TEX36: variants seen among roughly 807,000 people sequenced by gnomAD.
TEX36 encodes the protein testis-expressed protein 36.
In TEX36, 12 loss-of-function variants were observed where a neutral mutation model predicts 13.6. The ratio of observed to expected loss-of-function variants is 0.88; its 90% CI spans 0.56 to 1.43. TEX36 has a LOEUF of 1.43. Ranked by LOEUF, TEX36 falls within the 40% of genes most tolerant of loss-of-function variation. TEX36 has a pLI of 0.00. For synonymous variants in TEX36, 93 were observed against 83.0 expected (o/e 1.12, Z -0.65); for missense variants, 224 against 228.3 (o/e 0.98, Z 0.12).
intron 3 of TEX36, among the ~76,000 whole-genome samples, chr10:125,642,476 C>T (rs537068764): frequency 6.6e-6 from 1 of 151,006 alleles, no homozygotes; most frequent in South Asian, 2.1e-4. Flanking sequence ...AACTACGATG[C>T]TTACTAATTT....
rs542250768 is a variant in TEX36, at chr10:125,584,616, G to C, written c.265-7742C>G. ...TAAGGTTAAATGACATCATAAGTGTGGGGCCCTAATCCAATGGAATAGTGT... is the reference window on the plus strand; with the variant it reads ...TAAGGTTAAATGACATCATAAGTGTCGGGCCCTAATCCAATGGAATAGTGT... On this transcript the variant is annotated intron_variant, in intron 3 of 3. Coordinates refer to the TEX36 transcript ENST00000532135. Among the ~76,000 whole-genome samples the C allele has an allele frequency of 3.9e-5, 6 of 152,308 alleles. No homozygotes were observed. The South Asian group carries it at 1.2e-3, about 32-fold the overall frequency.
intron 3 of TEX36, among the ~76,000 whole-genome samples, chr10:125,624,954 G>A (rs1846468975): frequency 6.6e-6 from 1 of 152,162 alleles, no homozygotes. Flanking sequence ...AACTGCAGAG[G>A]AGGCCAGGGT....
At chr10:125,622,928 C>T (rs1051233402) in intron 3 of TEX36, among the ~76,000 whole-genome samples, 1 of 152,122 alleles carries the variant, frequency 6.6e-6, no homozygotes. Context: ...TGACAGCATT[C>T]CTCCCTCTGG....
intron 1 of TEX36, among the ~76,000 whole-genome samples, chr10:125,668,445 G>A (rs1265217992): frequency 6.6e-6 from 1 of 151,842 alleles, no homozygotes; most frequent in East Asian, 1.9e-4. Flanking sequence ...TTCCCAGTTT[G>A]TCAGCATATA....
intron 1 of TEX36, among the ~76,000 whole-genome samples, chr10:125,668,883 G>A (rs1847170782): frequency 6.6e-6 from 1 of 152,154 alleles, no homozygotes; most frequent in African/African-American, 2.4e-5. Context: ...GCTTGGCCGG[G>A]CACGGTGGCT....
intron 3 of TEX36, among the ~76,000 whole-genome samples, chr10:125,585,346 G>A (rs11598551): frequency 0.31 from 46,809 of 152,024 alleles, 8,851 homozygotes; most frequent in East Asian, 0.45. Flanking sequence ...GAGTGTCTTG[G>A]GCTTAGAAGA....
chr10:125,657,436 C>T lies in TEX36; in HGVS notation c.265-1240G>A, dbSNP rs568186440. ...GGACTGGAGGGACAAGTGTATGACG[C>T]GGGGCACAATGTCCAAGTCGGCTTC... On this transcript the variant is annotated intron_variant, in intron 3 of 3. Transcript: ENST00000368821. Among the ~76,000 whole-genome samples, 107 of 152,114 alleles carry T rather than the reference C, an allele frequency of 7.0e-4. 1 individual carries two copies. The highest frequency in any genetic ancestry group is 3.3e-4 in the Admixed American group (5 of 15,266).
intron 3 of TEX36, among the ~76,000 whole-genome samples, chr10:125,634,252 A>G (rs1846596471): frequency 6.6e-6 from 1 of 152,202 alleles, no homozygotes; most frequent in Non-Finnish European, 1.5e-5. Context: ...TTCCTTCAGC[A>G]GAGCCAGCAG....
chr10:125,665,240 T>C (rs1025048227), intron 1 of TEX36, among the ~76,000 whole-genome samples: 3 of 152,188 alleles, frequency 2.0e-5, no homozygotes, highest in Non-Finnish European at 4.4e-5. Context: ...CAGAAGCTTT[T>C]TGATTTAATA....
At chr10:125,673,916 G>A (rs898747319) in intron 1 of TEX36, among the ~76,000 whole-genome samples, 1 of 151,920 alleles carries the variant, frequency 6.6e-6, no homozygotes, top group Admixed American at 6.6e-5. Flanking sequence ...TGATCTTCTT[G>A]TGGAATATCT....
chr10:125,601,990 C>T (rs1846154034), intron 3 of TEX36, among the ~76,000 whole-genome samples: 1 of 152,214 alleles, frequency 6.6e-6, no homozygotes. Context: ...GGACCATCCC[C>T]ATACCCCCAG....
At position 125,624,752 on chromosome 10, in the gene TEX36, G is replaced by A. The variant is rs189738163; in HGVS notation, c.265-3107C>T. ...GAATTTTAAAGGAGTGTTGTCCAGC[G>A]CACTTGGGGAAATGGCACAGAGGGT... is the stretch of plus-strand genomic sequence containing the variant. On this transcript the variant is annotated intron_variant, in intron 3 of 3. Coordinates refer to the TEX36 transcript ENST00000526819. Among the ~76,000 whole-genome samples, 20 of 152,108 alleles carry A rather than the reference G, an allele frequency of 1.3e-4. No homozygotes were observed. The East Asian group carries it at 1.9e-3, about 15-fold the overall frequency.
downstream of TEX36, among the ~76,000 whole-genome samples, chr10:125,651,975 G>T (rs1489746981): frequency 6.6e-6 from 1 of 152,158 alleles, no homozygotes; most frequent in Non-Finnish European, 1.5e-5. Context: ...ACAAACCACT[G>T]CTCAGTGAAA....
chr10:125,665,462 G>A (rs1321536096), intron 1 of TEX36, among the ~76,000 whole-genome samples: 2 of 152,080 alleles, frequency 1.3e-5, no homozygotes, highest in Non-Finnish European at 2.9e-5. Flanking sequence ...TCTTCTGCAT[G>A]TGGCTATCCA....
At chr10:125,648,841 CG>C (rs1346981841) in intron 3 of TEX36, among the ~76,000 whole-genome samples, 1 of 152,030 alleles carries the variant, frequency 6.6e-6, no homozygotes, top group Non-Finnish European at 1.5e-5. Context: ...AACCATGGCA[CG>C]GGAACTACAT....
chr10:125,631,544 C>T (rs1846554582), intron 3 of TEX36, among the ~76,000 whole-genome samples: 1 of 152,168 alleles, frequency 6.6e-6, no homozygotes, highest in Admixed American at 6.5e-5. Context: ...GCAACTCATT[C>T]TCCTTGGGTT....
At chr10:125,679,196 C>T (rs1213350258) in intron 1 of TEX36, among the ~76,000 whole-genome samples, 2 of 149,002 alleles carry the variant, frequency 1.3e-5, no homozygotes, top group Non-Finnish European at 3.0e-5. Flanking sequence ...GTGCCTCGCT[C>T]ACACCCCAGT....
intron 3 of TEX36, among the ~76,000 whole-genome samples, chr10:125,589,213 C>T (rs541109031): frequency 6.6e-6 from 1 of 152,344 alleles, no homozygotes; most frequent in South Asian, 2.1e-4. Context: ...TTGTTAAAAA[C>T]AGCAAACTCA....
chr10:125,661,106 A>G lies in TEX36; in HGVS notation c.184-5T>C. On this transcript the variant is annotated splice_polypyrimidine_tract_variant and splice_region_variant and intron_variant, in intron 2 of 3. Transcript: ENST00000368821. The stretch of plus-strand genomic sequence containing the variant: ...GAACTGGTTATTCACTGCTTGCTGG[A>G]AAAGTGGGATGGAAGGGAAAGAGCA... 2 of 1,551,296 alleles carry G rather than the reference A, an allele frequency of 1.3e-6. No individual in the cohort carries two copies. Among genetic ancestry groups the G allele is most frequent in the Non-Finnish European group, 1.7e-6 (2 of 1,146,462 alleles).
Sources: gnomAD v4.1 joint callset for allele counts (sites outside exome capture counted in the v4.1 genomes callset) on GRCh38, gnomAD v4.1.1 for gene constraint, MANE v1.5 for transcripts, NCBI Gene and HGNC (gene_info 2026-07-23, HGNC 2026-07-21) for gene names.